Variants in IMMP2L observed in about 807,000 individuals in gnomAD.
The protein encoded by IMMP2L is mitochondrial inner membrane protease subunit 2.
IMMP2L carries 18 observed loss-of-function variants against 19.3 expected under a neutral mutation model. The ratio of observed to expected loss-of-function variants is 0.93; its 90% confidence interval spans 0.64 to 1.38. IMMP2L has a LOEUF of 1.38. Among genes scored for constraint, IMMP2L ranks in the 40% most tolerant of loss-of-function variants. The pLI is 0.00. For missense variants in IMMP2L, 233 were observed against 218.2 expected (o/e 1.07, Z -0.43); for synonymous variants, 76 against 73.0 (o/e 1.04, Z -0.21).
intron 3 of IMMP2L, among the ~76,000 whole-genome samples, chr7:111,085,015 C>T (rs948934691): frequency 6.6e-6 from 1 of 151,800 alleles, no homozygotes; most frequent in African/African-American, 2.4e-5. Flanking sequence ...AAAGTCAATC[C>T]CCTGAGTGAA....
chr7:110,812,877 G>GA (rs202033732), intron 5 of IMMP2L, among the ~76,000 whole-genome samples: 3 of 149,334 alleles, frequency 2.0e-5, no homozygotes, highest in East Asian at 2.0e-4. Flanking sequence ...CTTCTTAAAA[G>GA]AAAAAAAAAG....
At chr7:111,150,784 T>A (rs1803987511) in intron 3 of IMMP2L, among the ~76,000 whole-genome samples, 2 of 152,326 alleles carry the variant, frequency 1.3e-5, no homozygotes, top group South Asian at 4.1e-4. Flanking sequence ...CTCAGAGAAA[T>A]AAGCATGCCC....
chr7:110,788,121 AC>A (rs745848225), intron 5 of IMMP2L, among the ~76,000 whole-genome samples: 66 of 151,756 alleles, frequency 4.3e-4, no homozygotes, highest in Non-Finnish European at 8.7e-4. Flanking sequence ...AAAAAATAAC[AC>A]CCTCCTTTGA....
intron 3 of IMMP2L, among the ~76,000 whole-genome samples, chr7:111,006,007 T>C (rs1244151632): frequency 2.0e-5 from 3 of 151,980 alleles, no homozygotes; most frequent in Non-Finnish European, 1.5e-5. Context: ...CAAGAGTAAC[T>C]AGCTACCCTA....
chr7:111,542,288 T>A (rs1484958740), intron 1 of IMMP2L, among the ~76,000 whole-genome samples: 1 of 152,140 alleles, frequency 6.6e-6, no homozygotes, highest in Non-Finnish European at 1.5e-5. Flanking sequence ...GTGAAACTAA[T>A]AAAATAAAAA....
intron 3 of IMMP2L, among the ~76,000 whole-genome samples, chr7:111,251,844 A>G (rs1418357282): frequency 1.3e-5 from 2 of 152,004 alleles, no homozygotes; most frequent in Non-Finnish European, 2.9e-5. Context: ...CATGGCACAC[A>G]TTTATCTATG....
At chr7:111,122,285 C>T (rs1329821158) in intron 3 of IMMP2L, 1 of 152,354 alleles carries the variant, frequency 6.6e-6, no homozygotes, top group Non-Finnish European at 1.5e-5. Context: ...TACTGAAGTA[C>T]TTAAACTCTA....
chr7:110,938,906 A>G (rs932733948), intron 4 of IMMP2L, among the ~76,000 whole-genome samples: 3 of 152,160 alleles, frequency 2.0e-5, no homozygotes, highest in Non-Finnish European at 4.4e-5. Flanking sequence ...TCTATCATGA[A>G]GTTTGAATAT....
chr7:110,998,080 T>C (rs1166347278), intron 3 of IMMP2L, among the ~76,000 whole-genome samples: 1 of 152,134 alleles, frequency 6.6e-6, no homozygotes, highest in African/African-American at 2.4e-5. Flanking sequence ...CAGTTGACTA[T>C]ATATCTCATA....
chr7:111,504,322 G>A (rs1330664261), intron 2 of IMMP2L, among the ~76,000 whole-genome samples: 2 of 152,070 alleles, frequency 1.3e-5, no homozygotes, highest in East Asian at 3.9e-4. Flanking sequence ...AAATAAAAGA[G>A]GATATAAACA....
chr7:111,468,422 G>A (rs550570365), intron 3 of IMMP2L, among the ~76,000 whole-genome samples: 1 of 152,064 alleles, frequency 6.6e-6, no homozygotes, highest in South Asian at 2.1e-4. Flanking sequence ...AGGCTGTAGG[G>A]GCCATACTAT....
At position 111,391,790 on chromosome 7, in the gene IMMP2L, C is replaced by G. The variant is rs75042175; in HGVS notation, c.239+95448G>C. The G allele has an allele frequency of 3.6e-3, 2,423 of 675,048 alleles. 44 individuals carry two copies. The highest frequency in any genetic ancestry group is 0.035 in the African/African-American group (1,946 of 56,006). The allele number at this position is 675,048 out of a possible 1,614,324, so 41.8% of individuals were successfully genotyped here. On this transcript the variant is annotated intron_variant, in intron 3 of 5. Coordinates refer to ENST00000405709, the MANE Select transcript of IMMP2L (RefSeq NM_032549.4). ...AACAACTACGATAAGAGTATGAGTT[C>G]AAGGAAACCTGAATAGAGGTCCTTA... is the stretch of plus-strand genomic sequence containing the variant.
intron 3 of IMMP2L, among the ~76,000 whole-genome samples, chr7:111,076,136 A>G (rs370965887): frequency 6.6e-6 from 1 of 152,090 alleles, no homozygotes; most frequent in Non-Finnish European, 1.5e-5. Context: ...ATTGGCCTTC[A>G]TGATGATCCT....
At chr7:111,325,733 T>C (rs373329659) in intron 3 of IMMP2L, among the ~76,000 whole-genome samples, 19 of 151,872 alleles carry the variant, frequency 1.3e-4, no homozygotes, top group East Asian at 1.2e-3. Flanking sequence ...CTTTCAAAAA[T>C]ATTGAAACTT....
At chr7:111,513,004 T>C (rs2132585553) in intron 2 of IMMP2L, among the ~76,000 whole-genome samples, 1 of 152,092 alleles carries the variant, frequency 6.6e-6, no homozygotes, top group Non-Finnish European at 1.5e-5. Flanking sequence ...CCTGAAACTG[T>C]AAAACTACTA....
chr7:110,836,120 A>G (rs1804446731), intron 5 of IMMP2L, among the ~76,000 whole-genome samples: 1 of 152,256 alleles, frequency 6.6e-6, no homozygotes. Context: ...CTTTGTAAAC[A>G]TGTGACCTGG....
chr7:110,830,558 A>C (rs1179864737), intron 5 of IMMP2L, among the ~76,000 whole-genome samples: 2 of 152,154 alleles, frequency 1.3e-5, no homozygotes, highest in Non-Finnish European at 2.9e-5. Context: ...TATAATAAAG[A>C]AGGCCATCTT....
intron 3 of IMMP2L, among the ~76,000 whole-genome samples, chr7:111,028,650 G>C (rs1170369687): frequency 6.6e-6 from 1 of 152,074 alleles, no homozygotes; most frequent in Non-Finnish European, 1.5e-5. Flanking sequence ...TTCAAGATGG[G>C]CCTCATTATT....
chr7:111,467,379 T>C (rs1840774721), intron 3 of IMMP2L, among the ~76,000 whole-genome samples: 1 of 152,216 alleles, frequency 6.6e-6, no homozygotes, highest in Admixed American at 6.5e-5. Flanking sequence ...TCCAGAAATA[T>C]ATTCAGTTCT....
Sources: gnomAD v4.1 joint callset for allele counts (sites outside exome capture counted in the v4.1 genomes callset) on GRCh38, gnomAD v4.1.1 for gene constraint, MANE v1.5 for transcripts, NCBI Gene and HGNC (gene_info 2026-07-23, HGNC 2026-07-21) for gene names.